ADGRB3: variants seen among roughly 807,000 people sequenced by gnomAD.
ADGRB3 encodes brain-specific angiogenesis inhibitor 3.
Under a neutral mutation model 193.4 loss-of-function variants are expected in ADGRB3, and 37 were observed. The observed-to-expected ratio is 0.19, with a 90% CI of 0.15 to 0.25. The LOEUF (loss-of-function observed/expected upper bound fraction) is 0.25, where lower values mean the gene tolerates loss of function less well. ADGRB3 is among the 10% of genes least tolerant of loss of function. The pLI is 1.00. For synonymous variants in ADGRB3, 690 were observed against 644.2 expected, an observed-to-expected ratio of 1.07 and a Z score of -1.08; for missense variants, 1,637 against 1,852.9, an observed-to-expected ratio of 0.88 and a Z score of 2.14.
intron 17 of ADGRB3, among the ~76,000 whole-genome samples, chr6:69,206,072 T>TAC (rs1765534081): frequency 7.0e-6 from 1 of 142,748 alleles, no homozygotes; most frequent in East Asian, 2.0e-4. Context: ...TATATATATA[T>TAC]ATATATGAGT....
chr6:68,809,765 A>G (rs1767475567), intron 3 of ADGRB3, among the ~76,000 whole-genome samples: 1 of 152,190 alleles, frequency 6.6e-6, no homozygotes, highest in Non-Finnish European at 1.5e-5. Context: ...TCTCTTTTTA[A>G]CATGTGCATT....
intron 7 of ADGRB3, 90 bp from the exon 8 acceptor site, chr6:68,956,555 A>G (rs1167391319): frequency 8.1e-6 from 12 of 1,486,084 alleles, no homozygotes; most frequent in Non-Finnish European, 1.1e-5. Flanking sequence ...ATTAACAAAA[A>G]TGGAAGGGGT....
chr6:69,174,444 G>A lies in ADGRB3; in HGVS notation c.2481-58846G>A, dbSNP rs149968076. ...AAAGACCATGACTTCATTTCTTTTTGTGGCAGAATAGTATTCCATGGTGTA... is the reference window on the plus strand; with the variant it reads ...AAAGACCATGACTTCATTTCTTTTTATGGCAGAATAGTATTCCATGGTGTA... On this transcript the variant is annotated intron_variant, in intron 17 of 31. Coordinates refer to ENST00000370598, the MANE Select transcript of ADGRB3 (RefSeq NM_001704.3). Among the ~76,000 whole-genome samples, 185 of 152,220 alleles carry A rather than the reference G, an allele frequency of 1.2e-3. 2 individuals are homozygous for A. In the South Asian group the frequency reaches 0.031, roughly 25 times the overall value.
At chr6:68,706,057 T>A (rs890132996) in intron 3 of ADGRB3, among the ~76,000 whole-genome samples, 2 of 152,098 alleles carry the variant, frequency 1.3e-5, no homozygotes, top group Admixed American at 1.3e-4. Flanking sequence ...TGACAGGGTT[T>A]TTGCTAAAAT....
At chr6:68,849,350 C>CAA (rs372179475) in intron 3 of ADGRB3, among the ~76,000 whole-genome samples, 14 of 147,980 alleles carry the variant, frequency 9.5e-5, no homozygotes, top group African/African-American at 3.2e-4. Flanking sequence ...ATTTACAATT[C>CAA]AAAAAAAAAA....
At chr6:69,352,323 T>A (rs1769243048) in intron 26 of ADGRB3, among the ~76,000 whole-genome samples, 1 of 152,206 alleles carries the variant, frequency 6.6e-6, no homozygotes, top group Non-Finnish European at 1.5e-5. Context: ...AAAAGCTAGA[T>A]TATTTAGTTA....
At chr6:68,886,352 T>G (rs1226882433) in intron 3 of ADGRB3, among the ~76,000 whole-genome samples, 1 of 152,144 alleles carries the variant, frequency 6.6e-6, no homozygotes, top group Admixed American at 6.5e-5. Context: ...ATGTAATTCT[T>G]CATATGTCTC....
chr6:68,673,749 A>G (rs1029351706), intron 3 of ADGRB3, among the ~76,000 whole-genome samples: 3 of 151,692 alleles, frequency 2.0e-5, no homozygotes, highest in South Asian at 4.2e-4. Context: ...TTTGTTACCC[A>G]TTAGTGAACT....
chr6:68,780,063 G>A (rs1439725803), intron 3 of ADGRB3, among the ~76,000 whole-genome samples: 1 of 151,962 alleles, frequency 6.6e-6, no homozygotes, highest in Admixed American at 6.6e-5. Context: ...GTTTTACATT[G>A]CATAGCCCCT....
chr6:69,189,170 T>C (rs1765132747), intron 17 of ADGRB3, among the ~76,000 whole-genome samples: 1 of 152,154 alleles, frequency 6.6e-6, no homozygotes, highest in Non-Finnish European at 1.5e-5. Context: ...GAATAACATA[T>C]GAATGTCAGA....
intron 3 of ADGRB3, among the ~76,000 whole-genome samples, chr6:68,798,057 C>A (rs987563427): frequency 2.6e-5 from 4 of 152,052 alleles, no homozygotes; most frequent in Non-Finnish European, 5.9e-5. Flanking sequence ...GAATTCATTA[C>A]CAGATGAGTT....
chr6:69,019,725 TTGGAGG>T (rs1770205107), intron 13 of ADGRB3, among the ~76,000 whole-genome samples: 2 of 152,066 alleles, frequency 1.3e-5, no homozygotes, highest in South Asian at 4.1e-4. Flanking sequence ...TCTGAGCCTA[TTGGAGG>T]GCCCACACTT....
chr6:69,285,768 A>G (rs1402687782), intron 20 of ADGRB3, among the ~76,000 whole-genome samples: 2 of 151,994 alleles, frequency 1.3e-5, no homozygotes, highest in African/African-American at 2.4e-5. Flanking sequence ...GATATTCTGC[A>G]TGCTCTCCTA....
chr6:69,338,529 A>G (rs1768901024), intron 24 of ADGRB3, among the ~76,000 whole-genome samples: 1 of 152,196 alleles, frequency 6.6e-6, no homozygotes, highest in African/African-American at 2.4e-5. Context: ...TGCCTTCTGC[A>G]ATTAACAATG....
chr6:69,331,479 T>C lies in ADGRB3; in HGVS notation c.3102+907T>C, dbSNP rs570142126. Reference sequence around the variant, plus strand: ...TTTCTTGAATGACTCATTCAAAAAATTGGAAGGTAGTGACATCCTACTAAT... The same window carrying C: ...TTTCTTGAATGACTCATTCAAAAAACTGGAAGGTAGTGACATCCTACTAAT... On this transcript the variant is annotated intron_variant, in intron 23 of 31. Coordinates refer to ENST00000370598, the MANE Select transcript of ADGRB3 (RefSeq NM_001704.3). 2.1e-5 allele frequency: 20 copies of C among 953,054 alleles called. No individual in the cohort carries two copies. The South Asian group carries it at 6.3e-4, about 30-fold the overall frequency. 59.0% of individuals were successfully genotyped at this position (953,054 alleles called of 1,614,324 possible). A position where few individuals can be genotyped will look rare whatever the true frequency, so the allele number is the denominator to read the frequency against.
chr6:69,335,997 A>C (rs1768837547), intron 24 of ADGRB3, among the ~76,000 whole-genome samples: 1 of 152,044 alleles, frequency 6.6e-6, no homozygotes, highest in South Asian at 2.1e-4. Context: ...TAGTTTAACA[A>C]GTTTTATAAT....
chr6:68,832,351 CTT>C (rs879582318), intron 3 of ADGRB3, among the ~76,000 whole-genome samples: 4 of 151,970 alleles, frequency 2.6e-5, no homozygotes, highest in Non-Finnish European at 5.9e-5. Context: ...AGTAAAGACA[CTT>C]ATCATTTTTT....
At chr6:68,652,897 A>C (rs1459151314) in intron 3 of ADGRB3, among the ~76,000 whole-genome samples, 1 of 152,160 alleles carries the variant, frequency 6.6e-6, no homozygotes, top group Non-Finnish European at 1.5e-5. Context: ...ATTAGCATTG[A>C]CATTACTTAG....
intron 23 of ADGRB3, chr6:69,331,542 C>A (rs1161408365): frequency 1.0e-6 from 1 of 985,210 alleles, no homozygotes; most frequent in Non-Finnish European, 1.2e-6. Context: ...TAAGCTTGTT[C>A]TCCCTCAACT....
Sources: gnomAD v4.1 joint callset for allele counts (sites outside exome capture counted in the v4.1 genomes callset) on GRCh38, gnomAD v4.1.1 for gene constraint, MANE v1.5 for transcripts, NCBI Gene and HGNC (gene_info 2026-07-23, HGNC 2026-07-21) for gene names.